The following KCNQ1 variants were observed in gnomAD, a reference collection of about 807,000 sequenced individuals.
KCNQ1 encodes potassium voltage-gated channel subfamily KQT member 1.
In KCNQ1, 49 loss-of-function variants were observed where a neutral mutation model predicts 72.4. That is an observed-to-expected ratio of 0.68 (90% CI 0.54 to 0.86). The LOEUF (loss-of-function observed/expected upper bound fraction) is 0.86. Ranked by LOEUF, KCNQ1 falls within the 40% of genes least tolerant of loss-of-function variation. The probability of loss-of-function intolerance (pLI) is 0.00; values close to 1 mark genes in which losing one functional copy is unlikely to be tolerated. For synonymous variants in KCNQ1, 450 were observed against 412.6 expected (o/e 1.09, Z -1.10); for missense variants, 790 against 945.1 (o/e 0.84, Z 2.15).
intron 2 of KCNQ1, among the ~76,000 whole-genome samples, chr11:2,529,931 CA>C (rs999094441): frequency 6.6e-6 from 1 of 152,146 alleles, no homozygotes; most frequent in African/African-American, 2.4e-5. Context: ...GGATTCTGGT[CA>C]GGGGTCTTTC....
At position 2,661,693 on chromosome 11, in the gene KCNQ1, C is replaced by G. The variant is rs914615225; in HGVS notation, c.1394-268C>G. 2 of 602,352 alleles carry G rather than the reference C, an allele frequency of 3.3e-6. No individual in the cohort carries two copies. Among genetic ancestry groups the G allele is most frequent in the African/African-American group, 3.7e-5 (2 of 53,934 alleles). 37.3% of individuals were successfully genotyped at this position (602,352 alleles called of 1,614,324 possible). A position where few individuals can be genotyped will look rare whatever the true frequency, so the allele number is the denominator to read the frequency against. ...AACCTGAGGTGGGGAGAGTCTTGGA[C>G]ACCTGAGCACAGCCCCAGGCACAGT... On this transcript the variant is annotated intron_variant, in intron 10 of 15. Coordinates refer to ENST00000155840, the MANE Select transcript of KCNQ1 (RefSeq NM_000218.3). This position sits in a 1 kb window ranked among gnomAD's most constrained non-coding sequence, Gnocchi z 5.9.
Position 2,642,293 on chromosome 11 carries a change from G to C in KCNQ1, c.1394-19668G>C, listed in dbSNP as rs1849592451. The C allele has an allele frequency of 2.5e-6, 1 of 398,118 alleles. No homozygotes were observed. Among genetic ancestry groups the C allele is most frequent in the Non-Finnish European group, 4.4e-6 (1 of 225,856 alleles). 24.7% of individuals were successfully genotyped at this position (398,118 alleles called of 1,614,324 possible). On this transcript the variant is annotated intron_variant, in intron 10 of 15. Coordinates refer to ENST00000155840, the MANE Select transcript of KCNQ1 (RefSeq NM_000218.3). This position sits in a 1 kb window ranked among gnomAD's most constrained non-coding sequence, Gnocchi z 4.3. ...GTGTTCTTTTCAATTTCTTTCATCA[G>C]ACTTTTGTAGTTTTCCTTGTTAGAG...
At chr11:2,761,629 G>C (rs1846397753) in intron 11 of KCNQ1, among the ~76,000 whole-genome samples, 1 of 152,210 alleles carries the variant, frequency 6.6e-6, no homozygotes, top group South Asian at 2.1e-4. Context: ...CCCCATCCCA[G>C]GCCTCGCCCA....
At chr11:2,741,231 G>A (rs1197695133) in intron 11 of KCNQ1, among the ~76,000 whole-genome samples, 1 of 152,182 alleles carries the variant, frequency 6.6e-6, no homozygotes, top group Non-Finnish European at 1.5e-5. Context: ...GAGGGAGTGT[G>A]AGGACAGGGC....
At chr11:2,573,659 C>T (rs1848374991) in intron 6 of KCNQ1, among the ~76,000 whole-genome samples, 2 of 151,786 alleles carry the variant, frequency 1.3e-5, no homozygotes, top group Admixed American at 1.3e-4. Context: ...GGGTTCCGGC[C>T]ACCTAGAGCA....
rs373884260 is a variant in KCNQ1, at chr11:2,585,209, C to T, written c.1033-3C>T. 5 of 1,613,854 alleles carry T rather than the reference C, an allele frequency of 3.1e-6. No individual in the cohort carries two copies. The Admixed American group carries it at 5.0e-5, about 16-fold the overall frequency. ...CGGGAGCCTCCTGTCCATTCCTTCC[C>T]AGGGGATTCTTGGCTCGGGGTTTGC... On this transcript the variant is annotated splice_polypyrimidine_tract_variant and splice_region_variant and intron_variant, in intron 7 of 15. Transcript: ENST00000155840.
At chr11:2,825,534 C>G (rs1847820979) in intron 15 of KCNQ1, among the ~76,000 whole-genome samples, 2 of 152,244 alleles carry the variant, frequency 1.3e-5, no homozygotes, top group South Asian at 4.1e-4. Flanking sequence ...TGGAATCACA[C>G]CCTGGACGCT....
chr11:2,580,205 C>T (rs562930266), intron 6 of KCNQ1, among the ~76,000 whole-genome samples: 1 of 151,928 alleles, frequency 6.6e-6, no homozygotes, highest in Non-Finnish European at 1.5e-5. Flanking sequence ...GCCCAGCCCC[C>T]CTCAGGCCAA....
intron 2 of KCNQ1, among the ~76,000 whole-genome samples, chr11:2,561,255 G>A (rs559255517): frequency 6.6e-6 from 1 of 152,058 alleles, no homozygotes; most frequent in Non-Finnish European, 1.5e-5. Flanking sequence ...GTGGAGCTGT[G>A]GACAGATAGG....
At chr11:2,811,440 C>T (rs375237448) in intron 15 of KCNQ1, among the ~76,000 whole-genome samples, 184 of 152,366 alleles carry the variant, frequency 1.2e-3, no homozygotes, top group African/African-American at 3.7e-3. Flanking sequence ...AGTCCATGGG[C>T]CTGCACGCAT....
chr11:2,681,746 C>T, intron 11 of KCNQ1: 1 of 398,388 alleles, frequency 2.5e-6, no homozygotes, highest in Middle Eastern at 6.3e-4. Flanking sequence ...TGATCACACA[C>T]CAGGGCACTG....
At chr11:2,456,854 G>A (rs532408078) in intron 1 of KCNQ1, among the ~76,000 whole-genome samples, 2 of 148,254 alleles carry the variant, frequency 1.3e-5, no homozygotes, top group East Asian at 3.9e-4. Flanking sequence ...CAGGAGAATG[G>A]CGTGAACCCA....
chr11:2,714,558 C>T (rs1342057316), intron 11 of KCNQ1, among the ~76,000 whole-genome samples: 1 of 151,906 alleles, frequency 6.6e-6, no homozygotes, highest in Non-Finnish European at 1.5e-5. Flanking sequence ...GAGCTCACAG[C>T]TGCAGGGAGT....
chr11:2,841,190 G>A (rs901039029), intron 15 of KCNQ1, among the ~76,000 whole-genome samples: 7 of 152,232 alleles, frequency 4.6e-5, no homozygotes, highest in Non-Finnish European at 1.0e-4. Flanking sequence ...AGGACAGCGG[G>A]TGCAAAGGCC....
intron 11 of KCNQ1, among the ~76,000 whole-genome samples, chr11:2,728,568 G>A (rs899096863): frequency 1.3e-5 from 2 of 152,244 alleles, no homozygotes; most frequent in Non-Finnish European, 2.9e-5. Flanking sequence ...CTCTGGCACA[G>A]CCCACCAGCA....
intron 2 of KCNQ1, among the ~76,000 whole-genome samples, chr11:2,555,808 G>A (rs1162532110): frequency 6.6e-6 from 1 of 152,238 alleles, no homozygotes; most frequent in Non-Finnish European, 1.5e-5. Context: ...CAGAGCCTGG[G>A]TTTTCTGGTG....
chr11:2,552,600 G>A, intron 2 of KCNQ1, among the ~76,000 whole-genome samples: 1 of 152,206 alleles, frequency 6.6e-6, no homozygotes, highest in Admixed American at 6.5e-5. Context: ...AAAAAAATTG[G>A]CTAGAATTTT....
chr11:2,825,727 C>T (rs1216235938), intron 15 of KCNQ1, among the ~76,000 whole-genome samples: 1 of 152,212 alleles, frequency 6.6e-6, no homozygotes, highest in Non-Finnish European at 1.5e-5. Flanking sequence ...GGGCAGCTCT[C>T]CCAAAGCAGT....
chr11:2,685,306 A>G (rs1176415132), intron 11 of KCNQ1: 2 of 398,528 alleles, frequency 5.0e-6, no homozygotes, highest in African/African-American at 2.1e-5. Flanking sequence ...CAGAGTATCG[A>G]TCTGTCTGAT....
Sources: gnomAD v4.1 joint callset for allele counts (sites outside exome capture counted in the v4.1 genomes callset) on GRCh38, gnomAD v4.1.1 for gene constraint, Gnocchi (gnomAD v3.1) non-coding constraint, MANE v1.5 for transcripts, NCBI Gene and HGNC (gene_info 2026-07-23, HGNC 2026-07-21) for gene names.